EFNB1: variants seen among roughly 807,000 people sequenced by gnomAD.
EFNB1 encodes ephrin B1, also known as ephrin-B1.
In EFNB1, 1 loss-of-function variant was observed where a neutral mutation model predicts 18.1. The observed-to-expected ratio is 0.06, with a 90% CI of 0.02 to 0.26. EFNB1 has a LOEUF of 0.26. Ranked by LOEUF, EFNB1 falls within the 10% of genes least tolerant of loss-of-function variation. The pLI, the probability that EFNB1 is intolerant of heterozygous loss-of-function variation, is 1.00. For missense variants in EFNB1, 221 were observed against 301.8 expected, an observed-to-expected ratio of 0.73 and a Z score of 1.98; for synonymous variants, 131 against 127.5, an observed-to-expected ratio of 1.03 and a Z score of -0.19.
In EFNB1 at chrX:68,840,805, C is replaced by T; in HGVS notation, c.*151C>T. ...TTTTATAATCCCCCTTTTTCCCTGC[C>T]CCCTGGGCTTCGGAGGGGGGTGCTT... On this transcript the variant is annotated 3_prime_UTR_variant, in exon 5 of 5. Transcript: ENST00000204961. The T allele has an allele frequency of 3.0e-6, 2 of 663,620 alleles. No individual in the cohort carries two copies. Among genetic ancestry groups the T allele is most frequent in the Non-Finnish European group, 4.6e-6 (2 of 438,497 alleles). The allele number at this position is 663,620 out of a possible 1,213,427, so 54.7% of individuals were successfully genotyped here. A position where few individuals can be genotyped will look rare whatever the true frequency, so the allele number is the denominator to read the frequency against.
chrX:68,837,197 G>A (rs1471627137), intron 1 of EFNB1, among the ~76,000 whole-genome samples: 1 of 111,814 alleles, frequency 8.9e-6, no homozygotes, highest in Non-Finnish European at 1.9e-5. Context: ...AGTCCTTGAC[G>A]ATGGAGCCAT....
Position 68,840,340 on chromosome X carries a change from G to A in EFNB1, c.727G>A (p.Ala243Thr), listed in dbSNP as rs201249059. The A allele has an allele frequency of 2.5e-6, 3 of 1,211,740 alleles. No individual in the cohort carries two copies. Among genetic ancestry groups the A allele is most frequent in the Non-Finnish European group, 3.4e-6 (3 of 895,507 alleles). ...CAACTCCAAGGTGGCATTGTTCGCG[G>A]CTGTCGGTGCCGGTTGCGTCATCTT... The part of the protein sequence containing the change: ...FFNSKVALFA[A>T]VGAGCVIFLL... Residue 243 changes from alanine (A) to threonine (T), a missense_variant, in exon 5 of 5, where the codon GCT (alanine) becomes ACT (threonine). By Grantham distance (58) the Ala-to-Thr change is moderately conservative. Transcript: ENST00000204961.
At position 68,840,099 on chromosome X, in the gene EFNB1, G is replaced by A. The variant is rs1469505393; in HGVS notation, c.628+11G>A. ...CTGATGGCAAGCATGGTAAGTGTATGTGTTTCCCAGAGGTCAGGAGCCATT... is the reference window on the plus strand; with the variant it reads ...CTGATGGCAAGCATGGTAAGTGTATATGTTTCCCAGAGGTCAGGAGCCATT... On this transcript the variant is annotated intron_variant, in intron 4 of 4. Transcript: ENST00000204961. The A allele has an allele frequency of 2.5e-6, 3 of 1,212,031 alleles. No homozygotes were observed. The highest frequency in any genetic ancestry group is 3.3e-6 in the Non-Finnish European group (3 of 895,565).
intron 1 of EFNB1, among the ~76,000 whole-genome samples, chrX:68,831,450 A>T (rs1306358037): frequency 8.9e-6 from 1 of 111,766 alleles, no homozygotes; most frequent in Non-Finnish European, 1.9e-5. Flanking sequence ...CTCTCCTAAC[A>T]GCAGGGGCTC....
rs1189219857 is a variant in EFNB1, at chrX:68,841,371, A to ACT, written c.*718_*719insTC. The ACT allele has an allele frequency of 2.7e-5, 3 of 110,376 alleles. No homozygotes were observed. Among genetic ancestry groups the ACT allele is most frequent in the African/African-American group, 1.0e-4 (3 of 30,095 alleles). 9.1% of individuals were successfully genotyped at this position (110,376 alleles called of 1,213,427 possible). ...CTGCCACCCTTCCACACACACACAC[A>ACT]CACACACACACACAAAAAAAAATCC... On this transcript the variant is annotated 3_prime_UTR_variant, in exon 5 of 5. Transcript: ENST00000204961.
At position 68,829,250 on chromosome X, in the gene EFNB1, C is replaced by T. The variant is rs751999363; in HGVS notation, c.-527C>T. On this transcript the variant is annotated 5_prime_UTR_variant, in exon 1 of 5. Transcript: ENST00000204961. ...TAGAAGCTGTCCGGGGGCGCGTAGC[C>T]CGGAGTCCCAGTGTGGCCCGGAGGA... 187 of 150,617 alleles carry T rather than the reference C, an allele frequency of 1.2e-3. No individual in the cohort carries two copies. The highest frequency in any genetic ancestry group is 5.5e-3 in the African/African-American group (172 of 31,424). 12.4% of individuals were successfully genotyped at this position (150,617 alleles called of 1,213,427 possible).
chrX:68,832,116 C>T (rs1320696955), intron 1 of EFNB1, among the ~76,000 whole-genome samples: 3 of 110,567 alleles, frequency 2.7e-5, no homozygotes, highest in African/African-American at 9.9e-5. Context: ...GCTTCTGCCA[C>T]CGCGCCCAAC....
rs1389597066 is a variant in EFNB1, at chrX:68,829,720, G to A, written c.-57G>A. ...GCGCAGCGCGGCAGAGGAAGGCGAGGCGAGCTTTGGTGAGGAGGCGCCAAG... is the reference window on the plus strand; with the variant it reads ...GCGCAGCGCGGCAGAGGAAGGCGAGACGAGCTTTGGTGAGGAGGCGCCAAG... On this transcript the variant is annotated 5_prime_UTR_variant, in exon 1 of 5. Coordinates refer to ENST00000204961, the MANE Select transcript of EFNB1 (RefSeq NM_004429.5). The A allele has an allele frequency of 8.6e-7, 1 of 1,167,587 alleles. No homozygotes were observed.
chrX:68,836,525 C>T (rs1202153225), intron 1 of EFNB1, among the ~76,000 whole-genome samples: 1 of 112,293 alleles, frequency 8.9e-6, no homozygotes, highest in Non-Finnish European at 1.9e-5. Context: ...TCCACTTCAT[C>T]CATGTGGTCA....
intron 1 of EFNB1, among the ~76,000 whole-genome samples, chrX:68,831,218 G>A (rs913078518): frequency 8.2e-5 from 9 of 110,135 alleles, no homozygotes; most frequent in Admixed American, 1.9e-4. Flanking sequence ...AACTTCCCAG[G>A]CTCCTGCCTA....
At chrX:68,835,929 G>A (rs1397430884) in intron 1 of EFNB1, among the ~76,000 whole-genome samples, 1 of 111,422 alleles carries the variant, frequency 9.0e-6, no homozygotes, top group Non-Finnish European at 1.9e-5. Context: ...GACTGCACTT[G>A]GGGTAGACAG....
chrX:68,830,861 T>C (rs913047757), intron 1 of EFNB1, among the ~76,000 whole-genome samples: 3 of 111,901 alleles, frequency 2.7e-5, no homozygotes, highest in Non-Finnish European at 5.6e-5. Context: ...TCTGCACAAC[T>C]ACCCCACCAC....
chrX:68,837,650 C>T (rs1398771615), intron 1 of EFNB1, among the ~76,000 whole-genome samples: 1 of 112,074 alleles, frequency 8.9e-6, no homozygotes, highest in African/African-American at 3.2e-5. Flanking sequence ...GCTGACCCTC[C>T]CTGCTGTCCC....
At chrX:68,840,190 G>C in intron 4 of EFNB1, 52 bp from the exon 5 acceptor site, 1 of 1,210,343 alleles carries the variant, frequency 8.3e-7, no homozygotes, top group South Asian at 1.8e-5. Flanking sequence ...GAAATCTGCT[G>C]TGTGTCCCTG....
In EFNB1 at chrX:68,829,830, G is replaced by A. The variant is rs1482016965; in HGVS notation, c.54G>A (p.Val18=). 2.5e-6 allele frequency: 3 copies of A among 1,180,243 alleles called. No individual in the cohort carries two copies. The South Asian group carries it at 5.6e-5, about 22-fold the overall frequency. The stretch of plus-strand genomic sequence containing the variant: ...GCAAGTGGCTTGTGGCGATGGTCGT[G>A]TGGGCGCTGTGCCGGCTCGCCACAC... ...WLGKWLVAMV[V]WALCRLATPL... The change falls in exon 1 of 5, where the codon GTG becomes GTA. Residue 18 remains valine (V), a synonymous_variant. Coordinates refer to ENST00000204961, the MANE Select transcript of EFNB1 (RefSeq NM_004429.5).
rs2080438510 is a variant in EFNB1, at chrX:68,829,635, G to A, written c.-142G>A. The stretch of plus-strand genomic sequence containing the variant: ...GCGGAGAAGAGCGACACCGAAGCCG[G>A]CGGGAGGGGAGCACTTCAAGGCCGG... On this transcript the variant is annotated 5_prime_UTR_variant, in exon 1 of 5. Transcript: ENST00000204961. 1 of 1,021,460 alleles carries A rather than the reference G, an allele frequency of 9.8e-7. No homozygotes were observed. Among genetic ancestry groups the A allele is most frequent in the Non-Finnish European group, 1.3e-6 (1 of 755,424 alleles). The allele number at this position is 1,021,460 out of a possible 1,213,427, so 84.2% of individuals were successfully genotyped here.
At chrX:68,839,828 G>T in intron 3 of EFNB1, 72 bp downstream of exon 3, 2 of 1,176,206 alleles carry the variant, frequency 1.7e-6, no homozygotes, top group South Asian at 3.7e-5. Flanking sequence ...CTGGCTGGGT[G>T]CATGTGTATT....
chrX:68,829,717 G>A lies in EFNB1; in HGVS notation c.-60G>A. ...CGAGCGCAGCGCGGCAGAGGAAGGC[G>A]AGGCGAGCTTTGGTGAGGAGGCGCC... On this transcript the variant is annotated 5_prime_UTR_variant, in exon 1 of 5. Coordinates refer to ENST00000204961, the MANE Select transcript of EFNB1 (RefSeq NM_004429.5). 1 of 1,166,404 alleles carries A rather than the reference G, an allele frequency of 8.6e-7. No homozygotes were observed. Among genetic ancestry groups the A allele is most frequent in the Non-Finnish European group, 1.1e-6 (1 of 873,722 alleles).
At chrX:68,835,979 G>C (rs1432374458) in intron 1 of EFNB1, among the ~76,000 whole-genome samples, 1 of 111,681 alleles carries the variant, frequency 9.0e-6, no homozygotes, top group East Asian at 2.8e-4. Context: ...TGGTTAGAAA[G>C]CTGAGCTGGC....
Sources: allele counts gnomAD v4.1 joint callset (sites outside exome capture counted in the v4.1 genomes callset), GRCh38; gene constraint gnomAD v4.1.1; transcripts MANE v1.5; gene names NCBI Gene and HGNC (gene_info 2026-07-23, HGNC 2026-07-21).